The following ITSN2 variants were observed in gnomAD, a reference collection of about 807,000 sequenced individuals.
ITSN2 encodes intersectin-2.
A neutral mutation model predicts 243.7 loss-of-function variants in ITSN2; 156 were observed. That is an observed-to-expected ratio of 0.64 (90% CI 0.56 to 0.73). ITSN2 has a LOEUF of 0.73. ITSN2 is among the 30% of genes least tolerant of loss of function. The pLI, the probability that ITSN2 is intolerant of heterozygous loss-of-function variation, is 0.00. For missense variants in ITSN2, 1,801 were observed against 1,996.1 expected, an observed-to-expected ratio of 0.90 and a Z score of 1.86; for synonymous variants, 703 against 699.9, an observed-to-expected ratio of 1.00 and a Z score of -0.07.
chr2:24,262,103 A>G (rs1675974030), intron 20 of ITSN2, among the ~76,000 whole-genome samples: 1 of 152,210 alleles, frequency 6.6e-6, no homozygotes, highest in East Asian at 1.9e-4. Context: ...TCTGAATAAC[A>G]TATTTATACT....
chr2:24,259,835 C>A (rs1160123385), intron 22 of ITSN2, among the ~76,000 whole-genome samples: 1 of 152,108 alleles, frequency 6.6e-6, no homozygotes, highest in Non-Finnish European at 1.5e-5. Flanking sequence ...TTGTAGATAT[C>A]TTTAATACAG....
At chr2:24,298,207 G>A (rs1040286614) in intron 13 of ITSN2, among the ~76,000 whole-genome samples, 1 of 152,028 alleles carries the variant, frequency 6.6e-6, no homozygotes, top group Non-Finnish European at 1.5e-5. Context: ...GCCCAGGCTC[G>A]AGTGCAGTGG....
Position 24,261,737 on chromosome 2 carries a change from A to C in ITSN2, c.2361T>G (p.Asp787Glu), listed in dbSNP as rs1029957537. 1 of 1,611,006 alleles carries C rather than the reference A, an allele frequency of 6.2e-7. No individual in the cohort carries two copies. The highest frequency in any genetic ancestry group is 8.5e-7 in the Non-Finnish European group (1 of 1,178,532). The stretch of plus-strand genomic sequence containing the variant: ...AACCAGGTTCTCCTACGGTTTTTTC[A>C]TCAACCTACGGAAATAAAAAGAAGG... Reference protein sequence around the residue: ...SFNSGDIIQVDEKTVGEPGWL... With the variant: ...SFNSGDIIQVEEKTVGEPGWL... The change falls in exon 21 of 40, where the codon GAT (aspartate) becomes GAG (glutamate). Residue 787 changes from aspartate to glutamate, a missense_variant. By Grantham distance (45) the Asp-to-Glu change is conservative. Around this residue, in one of 5 missense-constraint regions of ITSN2, gnomAD observed 787 missense variants for 803.9 expected, o/e 0.98. Coordinates refer to ENST00000355123, the MANE Select transcript of ITSN2 (RefSeq NM_006277.3).
At chr2:24,353,480 G>A (rs1304251235) in intron 1 of ITSN2, among the ~76,000 whole-genome samples, 1 of 152,126 alleles carries the variant, frequency 6.6e-6, no homozygotes, top group African/African-American at 2.4e-5. Flanking sequence ...GCTGAGGTGG[G>A]AGGATGGCTT....
intron 1 of ITSN2, among the ~76,000 whole-genome samples, chr2:24,355,419 A>G (rs1688358625): frequency 6.6e-6 from 1 of 152,238 alleles, no homozygotes. Context: ...AGACCTCAGA[A>G]ATAACACCAC....
chr2:24,346,478 G>A (rs752672863), intron 1 of ITSN2, among the ~76,000 whole-genome samples: 6 of 152,114 alleles, frequency 3.9e-5, no homozygotes, highest in African/African-American at 7.2e-5. Context: ...GGAGCCTAAG[G>A]AGACATGACA....
intron 10 of ITSN2, among the ~76,000 whole-genome samples, chr2:24,301,584 G>A (rs1185635398): frequency 3.4e-5 from 5 of 148,308 alleles, no homozygotes; most frequent in Non-Finnish European, 7.4e-5. Flanking sequence ...AGAGTGCTGT[G>A]GCATAATCAC....
chr2:24,258,017 G>T lies in ITSN2; in HGVS notation c.2759C>A (p.Ser920Ter). 1 of 1,614,002 alleles carries T rather than the reference G, an allele frequency of 6.2e-7. No homozygotes were observed. Among genetic ancestry groups the T allele is most frequent in the South Asian group, 1.1e-5 (1 of 91,072 alleles). The change falls in exon 23 of 40, where the codon TCA (serine) becomes TAA (stop). Residue 920 changes from serine to a stop codon, truncating the protein, a stop_gained. Transcript: ENST00000355123. LOFTEE classifies it high-confidence loss of function. ...CAAGACAGTAATAATGTCATGTTTT[G>T]AGAAGTTCAAGTGGTTATCTTTCTT... is the stretch of plus-strand genomic sequence containing the variant. The part of the protein sequence containing the change: ...TAKKDNHLNF[S>*]KHDIITVLEQ...
chr2:24,351,936 T>C (rs1198801336), intron 1 of ITSN2, among the ~76,000 whole-genome samples: 2 of 152,168 alleles, frequency 1.3e-5, no homozygotes, highest in Non-Finnish European at 2.9e-5. Context: ...CTCAACTTAA[T>C]ATAGAAGGGA....
Position 24,286,266 on chromosome 2 carries a change from T to C in ITSN2, c.1809A>G (p.Glu603=). The change falls in exon 16 of 40, where the codon GAA becomes GAG. Residue 603 remains glutamate, a synonymous_variant. Transcript: ENST00000355123. ...CTGACAGCTTAGATGCAGTTTCTTT[T>C]TCAAGAGCATCTAACTGTTCTTTAA... ...QRLKEQLDAL[E]KETASKLSEM... The C allele has an allele frequency of 6.2e-7, 1 of 1,604,968 alleles. No homozygotes were observed.
chr2:24,234,756 AC>A (rs1671977158), intron 29 of ITSN2, among the ~76,000 whole-genome samples: 2 of 152,252 alleles, frequency 1.3e-5, no homozygotes, highest in Admixed American at 6.5e-5. Flanking sequence ...TTTGCATCAT[AC>A]GTTGTTGGGA....
At chr2:24,286,966 T>C (rs1431720678) in intron 15 of ITSN2, among the ~76,000 whole-genome samples, 1 of 152,178 alleles carries the variant, frequency 6.6e-6, no homozygotes, top group Non-Finnish European at 1.5e-5. Context: ...TAAATTAAAA[T>C]AGCAATATTA....
intron 17 of ITSN2, 57 bp from the exon 18 acceptor site, chr2:24,275,906 TGTA>T: frequency 8.1e-7 from 1 of 1,241,246 alleles, no homozygotes; most frequent in Non-Finnish European, 1.1e-6. Context: ...GCTTGTCATA[TGTA>T]TTAATGTGGC....
intron 1 of ITSN2, among the ~76,000 whole-genome samples, chr2:24,329,698 G>A (rs1321384586): frequency 6.6e-6 from 1 of 152,080 alleles, no homozygotes. Flanking sequence ...AGATCATGCC[G>A]TATCTCATCT....
chr2:24,208,097 G>A (rs1042886286), intron 37 of ITSN2, 140 bp downstream of exon 37: 12 of 764,500 alleles, frequency 1.6e-5, no homozygotes, highest in African/African-American at 1.2e-4. Context: ...GCTTCAAGAG[G>A]GGAGGGCTCT....
At chr2:24,334,407 C>A in intron 1 of ITSN2, 1 of 426,268 alleles carries the variant, frequency 2.3e-6, no homozygotes, top group Non-Finnish European at 4.5e-6. Context: ...CTTGGCCAAA[C>A]CCCAAACCCC....
At chr2:24,294,402 G>A (rs1680674227) in intron 14 of ITSN2, among the ~76,000 whole-genome samples, 1 of 152,146 alleles carries the variant, frequency 6.6e-6, no homozygotes, top group African/African-American at 2.4e-5. Context: ...CTCCAGCCTG[G>A]GTGACAGAGG....
chr2:24,224,910 G>A (rs564641015), intron 29 of ITSN2, among the ~76,000 whole-genome samples: 4 of 152,300 alleles, frequency 2.6e-5, no homozygotes, highest in South Asian at 2.1e-4. Context: ...GATTACAGGC[G>A]TGAGCCACCA....
At position 24,303,810 on chromosome 2, in the gene ITSN2, C is replaced by G. The variant is rs1396061290; in HGVS notation, c.846G>C (p.Leu282=). The G allele has an allele frequency of 9.4e-6, 15 of 1,602,894 alleles. No individual in the cohort carries two copies. The highest frequency in any genetic ancestry group is 1.3e-5 in the Non-Finnish European group (15 of 1,170,118). ...LLQSNLSQTQ[L]ATIWTLADVD... ...AGGGACAAACTTACCAAATAGTAGC[C>G]AGCTGAGTTTGAGAAAGATTTGACT... The change falls in exon 9 of 40, where the codon CTG becomes CTC. Residue 282 remains leucine (L), a synonymous_variant. Transcript: ENST00000355123.
Sources: gnomAD v4.1 joint callset for allele counts (sites outside exome capture counted in the v4.1 genomes callset) on GRCh38, gnomAD v4.1.1 for gene constraint, gnomAD v4.1.1 regional missense constraint, MANE v1.5 for transcripts, NCBI Gene and HGNC (gene_info 2026-07-23, HGNC 2026-07-21) for gene names.